Variants in ABCD3 observed in about 807,000 individuals in gnomAD.
ABCD3 encodes the protein ATP binding cassette subfamily D member 3.
In ABCD3, 41 loss-of-function variants were observed where a neutral mutation model predicts 105.5. The ratio of observed to expected loss-of-function variants is 0.39; its 90% CI spans 0.30 to 0.50. The LOEUF (loss-of-function observed/expected upper bound fraction) is 0.50. ABCD3 is among the 20% of genes least tolerant of loss of function. The pLI is 0.84. For missense variants in ABCD3, 622 were observed against 806.3 expected (o/e 0.77, Z 2.77); for synonymous variants, 258 against 269.0 (o/e 0.96, Z 0.40).
intron 10 of ABCD3, among the ~76,000 whole-genome samples, chr1:94,483,957 A>AACAG (rs1649156010): frequency 6.6e-6 from 1 of 152,258 alleles, no homozygotes; most frequent in Non-Finnish European, 1.5e-5. Flanking sequence ...GAAAAAAACA[A>AACAG]CCCCATCAAA....
chr1:94,490,268 G>A (rs1355636841), intron 15 of ABCD3, among the ~76,000 whole-genome samples: 1 of 151,882 alleles, frequency 6.6e-6, no homozygotes, highest in African/African-American at 2.4e-5. Context: ...TAATTTAGAT[G>A]TGTCTTAGCA....
At chr1:94,494,869 A>T (rs1649720367) in intron 16 of ABCD3, among the ~76,000 whole-genome samples, 1 of 152,160 alleles carries the variant, frequency 6.6e-6, no homozygotes, top group African/African-American at 2.4e-5. Context: ...GCTTGAGCTC[A>T]GGAGTTTGAG....
At chr1:94,508,564 T>A (rs1289474836) in intron 21 of ABCD3, among the ~76,000 whole-genome samples, 1 of 150,956 alleles carries the variant, frequency 6.6e-6, no homozygotes, top group Non-Finnish European at 1.5e-5. Context: ...TGGCATTGAA[T>A]CTGTAAATTA....
intron 1 of ABCD3, among the ~76,000 whole-genome samples, chr1:94,429,258 T>C (rs567761037): frequency 6.6e-6 from 1 of 152,252 alleles, no homozygotes; most frequent in East Asian, 1.9e-4. Flanking sequence ...TTCAGTTTTA[T>C]AAGGGAAGCA....
In ABCD3 at chr1:94,442,340, CTATTT is replaced by C. The variant is rs200725880; in HGVS notation, c.111-16263_111-16259del. 9.9e-5 allele frequency among the ~76,000 whole-genome samples: 15 copies of C among 152,254 alleles called. No individual in the cohort carries two copies. In the East Asian group the frequency reaches 2.9e-3, roughly 29 times the overall value. On this transcript the variant is annotated intron_variant, in intron 1 of 22. Transcript: ENST00000370214. ...AGGACTTCCATATTTTTATGGAACA[CTATTT>C]TATAGTTGCTGTGGAGGAACCCAAT...
intron 21 of ABCD3, among the ~76,000 whole-genome samples, chr1:94,507,324 C>T (rs1470325661): frequency 3.3e-5 from 5 of 152,152 alleles, no homozygotes; most frequent in Admixed American, 3.3e-4. Context: ...ATGAACTCAT[C>T]ATTTTTTATG....
intron 5 of ABCD3, among the ~76,000 whole-genome samples, chr1:94,474,343 GA>G (rs1028217328): frequency 3.3e-5 from 5 of 151,970 alleles, no homozygotes; most frequent in African/African-American, 1.2e-4. Context: ...AGTTAAATTG[GA>G]ATTTATGGTC....
At chr1:94,499,312 T>C (rs1054485266) in intron 19 of ABCD3, among the ~76,000 whole-genome samples, 183 bp from the exon 20 acceptor site, 11 of 152,222 alleles carry the variant, frequency 7.2e-5, no homozygotes, top group African/African-American at 2.4e-4. Flanking sequence ...TTTTGTCAAG[T>C]TTGGTGTAGA....
intron 20 of ABCD3, among the ~76,000 whole-genome samples, chr1:94,502,779 C>G (rs1054132000): frequency 1.3e-5 from 2 of 152,048 alleles, no homozygotes; most frequent in African/African-American, 4.8e-5. Flanking sequence ...GGATTTCATG[C>G]GTGAGCCGCC....
At chr1:94,416,120 T>G (rs1247901669), upstream of ABCD3, among the ~76,000 whole-genome samples, 3 of 152,216 alleles carry the variant, frequency 2.0e-5, no homozygotes, top group Non-Finnish European at 4.4e-5. Flanking sequence ...TTCTAGACTG[T>G]TTTTGACTAA....
intron 1 of ABCD3, 27 bp from the exon 2 acceptor site, chr1:94,458,580 C>T (rs1462164756): frequency 1.3e-6 from 2 of 1,591,450 alleles, no homozygotes; most frequent in Non-Finnish European, 1.7e-6. Flanking sequence ...TAAAGTAAAG[C>T]TCTCTCTCTC....
At chr1:94,421,780 G>C (rs141913832) in intron 1 of ABCD3, among the ~76,000 whole-genome samples, 46 of 152,188 alleles carry the variant, frequency 3.0e-4, no homozygotes, top group Middle Eastern at 3.4e-3. Context: ...GCCTAGAAAG[G>C]GGGTAGGAGT....
intron 1 of ABCD3, among the ~76,000 whole-genome samples, chr1:94,420,721 T>C (rs1659226311): frequency 6.6e-6 from 1 of 152,214 alleles, no homozygotes; most frequent in Non-Finnish European, 1.5e-5. Context: ...AAATATCTTT[T>C]AGTCACCACC....
At chr1:94,387,000 C>T in the ABCD3 span, among the ~76,000 whole-genome samples, 1 of 152,250 alleles carries the variant, frequency 6.6e-6, no homozygotes, top group African/African-American at 2.4e-5. Context: ...AGAAGTTTAA[C>T]TATCTCCTTG....
intron 1 of ABCD3, among the ~76,000 whole-genome samples, chr1:94,449,553 C>T (rs1660492143): frequency 6.6e-6 from 1 of 152,182 alleles, no homozygotes; most frequent in African/African-American, 2.4e-5. Context: ...TCAGTATTTA[C>T]CGTAATGAAT....
In ABCD3 at chr1:94,418,400, C is replaced by G; in HGVS notation, c.-79C>G. 3.1e-6 allele frequency: 4 copies of G among 1,288,624 alleles called. No homozygotes were observed. Among genetic ancestry groups the G allele is most frequent in the South Asian group, 2.5e-5 (2 of 79,050 alleles). 79.8% of individuals were successfully genotyped at this position (1,288,624 alleles called of 1,614,324 possible). A position where few individuals can be genotyped will look rare whatever the true frequency, so the allele number is the denominator to read the frequency against. ...CCCTCTGCTCTCCTCCCAGTCTCCC[C>G]CGCGCTGCGTGCAGTAAGGTAGCCG... On this transcript the variant is annotated 5_prime_UTR_variant, in exon 1 of 23. Transcript: ENST00000370214.
intron 3 of ABCD3, among the ~76,000 whole-genome samples, chr1:94,467,287 C>T (rs1378168681): frequency 6.6e-6 from 1 of 151,976 alleles, no homozygotes; most frequent in Non-Finnish European, 1.5e-5. Context: ...ATTTCTAATG[C>T]CATAACTGTC....
chr1:94,480,680 A>G, intron 9 of ABCD3, 74 bp downstream of exon 9: 9 of 1,512,942 alleles, frequency 5.9e-6, no homozygotes, highest in Middle Eastern at 1.8e-4. Context: ...ATTGACTCCA[A>G]AAAGTCTAGT....
At chr1:94,512,041 G>A (rs1356191069) in intron 21 of ABCD3, among the ~76,000 whole-genome samples, 1 of 152,130 alleles carries the variant, frequency 6.6e-6, no homozygotes, top group Non-Finnish European at 1.5e-5. Context: ...GTGAGGAACT[G>A]CGTTCCTTTG....
Sources: allele counts gnomAD v4.1 joint callset (sites outside exome capture counted in the v4.1 genomes callset), GRCh38; gene constraint gnomAD v4.1.1; transcripts MANE v1.5; gene names NCBI Gene and HGNC (gene_info 2026-07-23, HGNC 2026-07-21).